The following MGST1 variants were observed in gnomAD, a reference collection of about 807,000 sequenced individuals.
MGST1 encodes microsomal glutathione S-transferase 1.
In MGST1, 5 loss-of-function variants were observed where a neutral mutation model predicts 8.9. The observed-to-expected ratio is 0.56, with a 90% CI of 0.29 to 1.19. The LOEUF (loss-of-function observed/expected upper bound fraction) is 1.19, where lower values mean the gene tolerates loss of function less well. Among genes scored for constraint, MGST1 ranks in the 50% most tolerant of loss-of-function variants. The pLI, the probability that MGST1 is intolerant of heterozygous loss-of-function variation, is 0.08. For missense variants in MGST1, 182 were observed against 187.4 expected (o/e 0.97, Z 0.17); for synonymous variants, 54 against 67.8 (o/e 0.80, Z 1.00).
intron 4 of MGST1, chr12:16,573,958 T>A (rs1942910469): frequency 6.6e-6 from 1 of 152,138 alleles, no homozygotes; most frequent in South Asian, 2.1e-4. Context: ...AAGAAAGGAA[T>A]GTATTACGGA....
intron 4 of MGST1, among the ~76,000 whole-genome samples, chr12:16,561,577 T>C (rs2137343041): frequency 6.6e-6 from 1 of 152,354 alleles, no homozygotes; most frequent in East Asian, 1.9e-4. Flanking sequence ...TATAAAAATG[T>C]ACTTTTAAAA....
At chr12:16,591,750 G>C (rs182886611), downstream of MGST1, among the ~76,000 whole-genome samples, 25 of 152,176 alleles carry the variant, frequency 1.6e-4, no homozygotes, top group Admixed American at 1.4e-3. This position sits in a 1 kb window ranked among gnomAD's most constrained non-coding sequence, Gnocchi z 4.1. Flanking sequence ...AAAGTTACAA[G>C]CTAAGTCTGT....
chr12:16,361,417 G>A lies in MGST1; in HGVS notation c.222-2378G>A, dbSNP rs140845395. ...ACAGAGCAAATATATGCCAGGGCAT[G>A]TGTGTCCAAAGGAGAAAGAAGAATG... On this transcript the variant is annotated intron_variant, in intron 3 of 3. Coordinates refer to ENST00000396210, the MANE Select transcript of MGST1 (RefSeq NM_020300.5). This position sits in a 1 kb window ranked among gnomAD's most constrained non-coding sequence, Gnocchi z 4.2. Among the ~76,000 whole-genome samples the A allele has an allele frequency of 2.6e-5, 4 of 152,360 alleles. No homozygotes were observed. Among genetic ancestry groups the A allele is most frequent in the African/African-American group, 9.6e-5 (4 of 41,586 alleles).
At chr12:16,556,451 T>G (rs1280995201) in intron 4 of MGST1, among the ~76,000 whole-genome samples, 2 of 152,204 alleles carry the variant, frequency 1.3e-5, no homozygotes, top group Non-Finnish European at 2.9e-5. Context: ...GAAAGGTTAT[T>G]ATTACTGCTA....
chr12:16,390,256 T>A (rs1195968481), intron 1 of MGST1, among the ~76,000 whole-genome samples: 1 of 151,882 alleles, frequency 6.6e-6, no homozygotes, highest in Non-Finnish European at 1.5e-5. Flanking sequence ...TTTAAAAAAA[T>A]TGTCCACTTT....
chr12:16,416,664 A>G (rs534421502), intron 1 of MGST1, among the ~76,000 whole-genome samples: 17 of 152,254 alleles, frequency 1.1e-4, no homozygotes, highest in African/African-American at 4.1e-4. Flanking sequence ...ATACCATCAC[A>G]TTGGAGATTG....
chr12:16,366,382 A>G (rs1275468822), downstream of MGST1, among the ~76,000 whole-genome samples: 2 of 152,122 alleles, frequency 1.3e-5, no homozygotes, highest in African/African-American at 4.8e-5. This position sits in a 1 kb window ranked among gnomAD's most constrained non-coding sequence, Gnocchi z 4.0. Flanking sequence ...TGAAGGGGAA[A>G]GCTATTTACT....
At chr12:16,394,249 AT>A (rs1940578828) in intron 1 of MGST1, among the ~76,000 whole-genome samples, 1 of 151,706 alleles carries the variant, frequency 6.6e-6, no homozygotes, top group South Asian at 2.1e-4. Flanking sequence ...TAATTAATTT[AT>A]TTTTTTATTG....
intron 4 of MGST1, among the ~76,000 whole-genome samples, chr12:16,508,293 A>G (rs1301310806): frequency 6.6e-6 from 1 of 152,208 alleles, no homozygotes; most frequent in Non-Finnish European, 1.5e-5. Flanking sequence ...CAGCTCAAAA[A>G]GAACTCCTCT....
chr12:16,400,670 T>G (rs1329828049), intron 1 of MGST1: 11 of 1,498,154 alleles, frequency 7.3e-6, no homozygotes, highest in Non-Finnish European at 1.0e-5. Context: ...AGGAAAGATG[T>G]TGCCTTCATT....
At chr12:16,536,082 A>AGTGTGTGTGTGTGTGTGTGT (rs10579042) in intron 4 of MGST1, among the ~76,000 whole-genome samples, 1 of 145,324 alleles carries the variant, frequency 6.9e-6, no homozygotes, top group Non-Finnish European at 1.5e-5. Context: ...GGTGTGTGTG[A>AGTGTGTGTGTGTGTGTGTGT]GTGTGTGTGT....
intron 4 of MGST1, among the ~76,000 whole-genome samples, chr12:16,472,891 C>T (rs1165882246): frequency 6.6e-6 from 1 of 152,138 alleles, no homozygotes; most frequent in Admixed American, 6.6e-5. Flanking sequence ...AACTTTGAGC[C>T]AAGCTCTAAA....
intron 3 of MGST1, among the ~76,000 whole-genome samples, chr12:16,373,502 A>G (rs923854096): frequency 6.6e-6 from 1 of 152,104 alleles, no homozygotes; most frequent in African/African-American, 2.4e-5. Flanking sequence ...TCAAGATATT[A>G]TATGTATCCC....
downstream of MGST1, among the ~76,000 whole-genome samples, chr12:16,377,590 G>A (rs1940402393): frequency 6.6e-6 from 1 of 152,064 alleles, no homozygotes; most frequent in Non-Finnish European, 1.5e-5. Flanking sequence ...TTTGTGAATA[G>A]TGCTGCTATA....
chr12:16,441,016 G>A (rs1474750459), downstream of MGST1, among the ~76,000 whole-genome samples: 1 of 151,394 alleles, frequency 6.6e-6, no homozygotes. Context: ...TATTATCTTT[G>A]GTAAACCACC....
chr12:16,393,793 T>A (rs1003223621), intron 1 of MGST1, among the ~76,000 whole-genome samples: 1 of 152,226 alleles, frequency 6.6e-6, no homozygotes, highest in Admixed American at 6.5e-5. Context: ...ACCAGGAATG[T>A]ATTTAAACTA....
Position 16,560,605 on chromosome 12 carries a change from A to T in MGST1, n.483-28923A>T, listed in dbSNP as rs1942367475. 1 of 1,411,940 alleles carries T rather than the reference A, an allele frequency of 7.1e-7. No individual in the cohort carries two copies. Among genetic ancestry groups the T allele is most frequent in the Non-Finnish European group, 9.9e-7 (1 of 1,012,778 alleles). 87.5% of individuals were successfully genotyped at this position (1,411,940 alleles called of 1,614,324 possible). A position where few individuals can be genotyped will look rare whatever the true frequency, so the allele number is the denominator to read the frequency against. ...GAGAAATCTGAGATCGTGAAGAGAG[A>T]TGATGTTAATATACTCTGTAAAGCT... is the stretch of plus-strand genomic sequence containing the variant. On this transcript the variant is annotated intron_variant and non_coding_transcript_variant, in intron 4 of 4. Coordinates refer to the MGST1 transcript ENST00000538857. The surrounding 1 kb of genome is among the most constrained non-coding windows in gnomAD (Gnocchi z 5.0).
At position 16,589,355 on chromosome 12, in the gene MGST1, A is replaced by C. The variant is rs1241734152; in HGVS notation, n.483-173A>C. On this transcript the variant is annotated intron_variant and non_coding_transcript_variant, in intron 4 of 4. Transcript: ENST00000538857. This position sits in a 1 kb window ranked among gnomAD's most constrained non-coding sequence, Gnocchi z 4.2. Reference sequence around the variant, plus strand: ...AGAAACACATGATGAGACATTTAAAATATACTGTACATATTACTATGAGTG... The same window carrying C: ...AGAAACACATGATGAGACATTTAAACTATACTGTACATATTACTATGAGTG... Among the ~76,000 whole-genome samples, 2 of 152,140 alleles carry C rather than the reference A, an allele frequency of 1.3e-5. No homozygotes were observed. The highest frequency in any genetic ancestry group is 1.3e-4 in the Admixed American group (2 of 15,260).
intron 1 of MGST1, among the ~76,000 whole-genome samples, chr12:16,398,537 C>T (rs959842209): frequency 1.3e-5 from 2 of 152,174 alleles, no homozygotes; most frequent in Non-Finnish European, 2.9e-5. Flanking sequence ...GAGGCACAAC[C>T]ATTCTTCCTT....
Sources: gnomAD v4.1 joint callset for allele counts (sites outside exome capture counted in the v4.1 genomes callset) on GRCh38, gnomAD v4.1.1 for gene constraint, Gnocchi (gnomAD v3.1) non-coding constraint, MANE v1.5 for transcripts, NCBI Gene and HGNC (gene_info 2026-07-23, HGNC 2026-07-21) for gene names.